The following CRADD variants were observed in gnomAD, a reference collection of about 807,000 sequenced individuals.
CRADD encodes the protein CARD and death domain containing adaptor protein, also known as death domain-containing protein CRADD.
CRADD carries 9 observed loss-of-function variants against 15.5 expected under a neutral mutation model. The ratio of observed to expected loss-of-function variants is 0.58; its 90% CI spans 0.35 to 1.01. CRADD has a LOEUF of 1.01. Ranked by LOEUF, CRADD falls within the 50% of genes least tolerant of loss-of-function variation. CRADD has a pLI of 0.02. For synonymous variants in CRADD, 118 were observed against 107.6 expected (o/e 1.10, Z -0.60); for missense variants, 227 against 250.3 (o/e 0.91, Z 0.63).
At chr12:93,837,231 G>A (rs1957982763) in intron 2 of CRADD, 1 of 152,350 alleles carries the variant, frequency 6.6e-6, no homozygotes, top group South Asian at 2.1e-4. Flanking sequence ...TACTGTACCA[G>A]ATATTCATTT....
At chr12:93,756,725 A>C (rs938868275) in intron 2 of CRADD, among the ~76,000 whole-genome samples, 2 of 152,354 alleles carry the variant, frequency 1.3e-5, no homozygotes, top group Admixed American at 1.3e-4. Context: ...TCCAAAGAGG[A>C]AATGGGTCCA....
chr12:93,865,010 G>A (rs370819553), intron 2 of CRADD, among the ~76,000 whole-genome samples: 1 of 152,210 alleles, frequency 6.6e-6, no homozygotes. Flanking sequence ...AATGAGGGGT[G>A]CCTGGCTTTT....
intron 2 of CRADD, among the ~76,000 whole-genome samples, chr12:93,734,069 C>T (rs1182024771): frequency 6.6e-6 from 1 of 151,898 alleles, no homozygotes; most frequent in African/African-American, 2.4e-5. Flanking sequence ...CCCTCCTTCC[C>T]TTCCTTTCTT....
chr12:93,742,917 T>G lies in CRADD; in HGVS notation c.298+63845T>G, dbSNP rs150592452. On this transcript the variant is annotated intron_variant, in intron 2 of 2. Coordinates refer to ENST00000332896, the MANE Select transcript of CRADD (RefSeq NM_003805.5). ...GGGGGGTCAGGCTGCCCTCCCATTC[T>G]CATCTTCCGCCCCAGACCAGAGGCT... Among the ~76,000 whole-genome samples the G allele has an allele frequency of 3.2e-4, 48 of 152,276 alleles. No individual in the cohort carries two copies. The East Asian group carries it at 8.9e-3, about 28-fold the overall frequency.
At chr12:93,854,827 G>A (rs543527282), downstream of CRADD, among the ~76,000 whole-genome samples, 21 of 152,222 alleles carry the variant, frequency 1.4e-4, no homozygotes, top group Non-Finnish European at 2.2e-4. Context: ...AAGTGGAATC[G>A]CCGGGCTTAA....
chr12:93,863,583 T>C (rs1312224901), intron 2 of CRADD, among the ~76,000 whole-genome samples: 2 of 144,636 alleles, frequency 1.4e-5, no homozygotes, highest in Admixed American at 1.4e-4. Context: ...CCTTTGAAAA[T>C]GTGTGGAGGC....
At chr12:93,695,680 C>A (rs6538446) in intron 2 of CRADD, among the ~76,000 whole-genome samples, 71,948 of 151,966 alleles carry the variant, frequency 0.47, 18,883 homozygotes, top group East Asian at 0.74. Context: ...AGGTGGGTGG[C>A]TTGTCTGAGG....
chr12:93,773,687 G>A (rs972648912), intron 2 of CRADD, among the ~76,000 whole-genome samples: 1 of 151,952 alleles, frequency 6.6e-6, no homozygotes, highest in African/African-American at 2.4e-5. Context: ...TGAATCATCT[G>A]TCTCTGGCTG....
intron 2 of CRADD, among the ~76,000 whole-genome samples, chr12:93,870,600 A>G (rs1182902918): frequency 6.6e-6 from 1 of 152,156 alleles, no homozygotes; most frequent in Non-Finnish European, 1.5e-5. Context: ...CTCTGCCCCA[A>G]CTGCAGCAGC....
chr12:93,787,305 GTTT>G (rs34146137), intron 2 of CRADD, among the ~76,000 whole-genome samples: 5,510 of 124,412 alleles, frequency 0.044, 134 homozygotes, highest in South Asian at 0.055. Flanking sequence ...GTATGACAGG[GTTT>G]TTTTTTTTTT....
intron 2 of CRADD, among the ~76,000 whole-genome samples, chr12:93,834,082 T>C (rs983669621): frequency 1.3e-5 from 2 of 152,082 alleles, no homozygotes; most frequent in African/African-American, 4.8e-5. Context: ...GCGCATAAGA[T>C]CAACACAGCA....
At chr12:93,802,407 T>A (rs1179077916) in intron 2 of CRADD, among the ~76,000 whole-genome samples, 2 of 152,238 alleles carry the variant, frequency 1.3e-5, no homozygotes, top group Non-Finnish European at 2.9e-5. Flanking sequence ...CAGGGCTCTC[T>A]GAGCTTGATC....
chr12:93,700,882 C>G (rs1229025592), intron 2 of CRADD, among the ~76,000 whole-genome samples: 1 of 152,004 alleles, frequency 6.6e-6, no homozygotes, highest in Admixed American at 6.5e-5. Context: ...GGTGTTTTTT[C>G]AGGAAGCCTT....
intron 2 of CRADD, among the ~76,000 whole-genome samples, chr12:93,867,401 A>ATT (rs200659508): frequency 0.016 from 2,219 of 139,122 alleles, 150 homozygotes; most frequent in African/African-American, 0.054. Context: ...ATATATATAT[A>ATT]TATTTTTTAA....
chr12:93,797,559 C>G (rs1037024467), intron 2 of CRADD, among the ~76,000 whole-genome samples: 2 of 151,952 alleles, frequency 1.3e-5, no homozygotes, highest in Admixed American at 1.3e-4. Flanking sequence ...CCAATTTTTT[C>G]CTACATCTTG....
chr12:93,819,981 T>C (rs1221958353), intron 2 of CRADD, among the ~76,000 whole-genome samples: 1 of 152,210 alleles, frequency 6.6e-6, no homozygotes, highest in Non-Finnish European at 1.5e-5. Flanking sequence ...GCTTCACATG[T>C]TCAAAAGTCA....
intron 2 of CRADD, among the ~76,000 whole-genome samples, chr12:93,689,177 T>A (rs775160560): frequency 6.6e-6 from 1 of 152,182 alleles, no homozygotes; most frequent in Non-Finnish European, 1.5e-5. Flanking sequence ...TGGAATCCAG[T>A]CCCACTTTTG....
intron 2 of CRADD, among the ~76,000 whole-genome samples, chr12:93,709,487 C>G (rs1956021616): frequency 6.6e-6 from 1 of 152,124 alleles, no homozygotes. Context: ...CATTCAGCTC[C>G]CACTAAAAAG....
At chr12:93,690,508 A>G (rs549355325) in intron 2 of CRADD, among the ~76,000 whole-genome samples, 3 of 152,302 alleles carry the variant, frequency 2.0e-5, no homozygotes, top group African/African-American at 4.8e-5. Flanking sequence ...ATTGGGGGAG[A>G]AAAATGGATT....
Sources: gnomAD v4.1 joint callset for allele counts (sites outside exome capture counted in the v4.1 genomes callset) on GRCh38, gnomAD v4.1.1 for gene constraint, MANE v1.5 for transcripts, NCBI Gene and HGNC (gene_info 2026-07-23, HGNC 2026-07-21) for gene names.